Variants in TP53BP1 observed in about 807,000 individuals in gnomAD.
The protein encoded by TP53BP1 is tumor protein p53 binding protein 1.
A neutral mutation model predicts 200.8 loss-of-function variants in TP53BP1; 61 were observed. The ratio of observed to expected loss-of-function variants is 0.30; its 90% confidence interval spans 0.25 to 0.38. TP53BP1 has a LOEUF of 0.38. Among genes scored for constraint, TP53BP1 ranks in the 10% least tolerant of loss-of-function variants. TP53BP1 has a pLI of 1.00. For synonymous variants in TP53BP1, 822 were observed against 844.3 expected (o/e 0.97, Z 0.46); for missense variants, 2,144 against 2,371.9 (o/e 0.90, Z 2.00).
At position 43,493,150 on chromosome 15, in the gene TP53BP1, C is replaced by G; in HGVS notation, c.-107G>C. 1 of 1,565,482 alleles carries G rather than the reference C, an allele frequency of 6.4e-7. No individual in the cohort carries two copies. On this transcript the variant is annotated 5_prime_UTR_variant, in exon 1 of 28. Transcript: ENST00000382044. ...CTGTCGCCACCGCCGCCACCGGCCG[C>G]GAACTCCCCCTTTCCCGTCACGTCA...
intron 15 of TP53BP1, among the ~76,000 whole-genome samples, chr15:43,440,510 G>A (rs544351894): frequency 2.9e-5 from 4 of 139,606 alleles, no homozygotes; most frequent in East Asian, 4.2e-4. Context: ...GTGAGACTCC[G>A]TCTCAAAAAA....
At position 43,420,616 on chromosome 15, in the gene TP53BP1, A is replaced by G. The variant is rs2045372161; in HGVS notation, c.4370T>C (p.Val1457Ala). ...RVPDSTRRTD[V>A]GAGALRRSDS... ...ACTACGACGCAAAGCACCAGCACCCACATCTGTTCGTCTGGTGGAGTCTGG... is the reference window on the plus strand; with the variant it reads ...ACTACGACGCAAAGCACCAGCACCCGCATCTGTTCGTCTGGTGGAGTCTGG... The change falls in exon 21 of 28, where the codon GTG (valine) becomes GCG (alanine). Residue 1457 changes from valine (V) to alanine (A), a missense_variant. Val to Ala is a moderately conservative substitution (Grantham distance 64). This residue lies in a region of TP53BP1 where 49 missense variants were observed against 60.7 expected (regional missense o/e 0.81). Coordinates refer to ENST00000382044, the MANE Select transcript of TP53BP1 (RefSeq NM_001141980.3). 2 of 1,614,014 alleles carry G rather than the reference A, an allele frequency of 1.2e-6. No homozygotes were observed. Among genetic ancestry groups the G allele is most frequent in the Non-Finnish European group, 1.7e-6 (2 of 1,180,042 alleles).
At chr15:43,505,752 T>C (rs2079232567) in intron 1 of TP53BP1, among the ~76,000 whole-genome samples, 2 of 152,216 alleles carry the variant, frequency 1.3e-5, no homozygotes, top group African/African-American at 4.8e-5. Flanking sequence ...TTTTACTCAG[T>C]GCCTTTTTAA....
chr15:43,454,220 G>C (rs899444235), intron 12 of TP53BP1, among the ~76,000 whole-genome samples: 2 of 151,972 alleles, frequency 1.3e-5, no homozygotes, highest in African/African-American at 4.8e-5. Context: ...AAAAGGGACT[G>C]TTCTACGCAA....
At chr15:43,479,600 T>C in intron 6 of TP53BP1, 74 bp from the exon 7 acceptor site, 1 of 1,485,680 alleles carries the variant, frequency 6.7e-7, no homozygotes, top group Non-Finnish European at 9.1e-7. Context: ...CAGATGTTTT[T>C]TAAAAAGCAA....
At chr15:43,409,923 C>G (rs1489315160) in intron 24 of TP53BP1, among the ~76,000 whole-genome samples, 182 bp from the exon 25 acceptor site, 2 of 152,048 alleles carry the variant, frequency 1.3e-5, no homozygotes, top group Non-Finnish European at 2.9e-5. Context: ...AAAATGCTGC[C>G]AAAAGAAGGG....
At chr15:43,444,203 T>C (rs896132322) in intron 14 of TP53BP1, among the ~76,000 whole-genome samples, 6 of 152,244 alleles carry the variant, frequency 3.9e-5, no homozygotes, top group Non-Finnish European at 7.3e-5. Flanking sequence ...ACTTCGCTAG[T>C]TGTAATTTCA....
intron 21 of TP53BP1, chr15:43,417,311 C>G (rs550598241): frequency 6.6e-6 from 1 of 152,268 alleles, no homozygotes; most frequent in South Asian, 2.1e-4. Flanking sequence ...GAATGAAGAG[C>G]TAAAAGAAAC....
At chr15:43,409,279 TTC>T (rs1013372064) in intron 25 of TP53BP1, 183 bp from the exon 26 acceptor site, 3 of 619,050 alleles carry the variant, frequency 4.8e-6, no homozygotes, top group Admixed American at 5.6e-5. Context: ...TCCATAGATG[TTC>T]TCTCTGCCTC....
At chr15:43,465,897 C>T (rs1464459341) in intron 11 of TP53BP1, among the ~76,000 whole-genome samples, 1 of 152,126 alleles carries the variant, frequency 6.6e-6, no homozygotes, top group African/African-American at 2.4e-5. Context: ...TCAAGTGATC[C>T]TCCCACCTTA....
intron 10 of TP53BP1, among the ~76,000 whole-genome samples, chr15:43,471,075 A>G (rs1046267387): frequency 2.0e-5 from 3 of 152,256 alleles, no homozygotes; most frequent in African/African-American, 7.2e-5. Flanking sequence ...TGTTATAGGC[A>G]CTACATACAA....
At chr15:43,504,223 AACCTCAAGTGAT>A (rs1335694158) in intron 1 of TP53BP1, among the ~76,000 whole-genome samples, 1 of 152,220 alleles carries the variant, frequency 6.6e-6, no homozygotes, top group African/African-American at 2.4e-5. Context: ...AGCTCACTGC[AACCTCAAGTGAT>A]ACTTTTGCCT....
At chr15:43,488,483 A>C (rs150399911) in intron 4 of TP53BP1, among the ~76,000 whole-genome samples, 4 of 152,358 alleles carry the variant, frequency 2.6e-5, no homozygotes, top group African/African-American at 4.8e-5. Context: ...TTAGAACTGT[A>C]TCTTGACTGT....
chr15:43,505,233 A>G (rs1029178238), intron 1 of TP53BP1, among the ~76,000 whole-genome samples: 3 of 152,166 alleles, frequency 2.0e-5, no homozygotes, highest in Non-Finnish European at 4.4e-5. Flanking sequence ...CCATTCTATG[A>G]ATACTTTGGG....
At chr15:43,472,212 G>C (rs1036318620) in intron 10 of TP53BP1, among the ~76,000 whole-genome samples, 1 of 152,124 alleles carries the variant, frequency 6.6e-6, no homozygotes, top group Non-Finnish European at 1.5e-5. Context: ...GTAAAATGGG[G>C]ATAAAAATAA....
rs777625361 is a variant in TP53BP1, at chr15:43,441,512, C to T, written c.3098+14G>A. The T allele has an allele frequency of 3.1e-6, 5 of 1,594,154 alleles. No individual in the cohort carries two copies. The African/African-American group carries it at 6.7e-5, about 21-fold the overall frequency. ...CTGTGTATTAAACTCTAAATAGCAT[C>T]CAGCTTTGGTTACCTGGCAACAGAC... On this transcript the variant is annotated intron_variant, in intron 15 of 27. Coordinates refer to ENST00000382044, the MANE Select transcript of TP53BP1 (RefSeq NM_001141980.3).
In TP53BP1 at chr15:43,479,478, T is replaced by C; in HGVS notation, c.707A>G (p.Gln236Arg). Reference protein sequence around the residue: ...QSNEDIPIAEQSSKDIPVTAQ... With the variant: ...QSNEDIPIAERSSKDIPVTAQ... ...TGTCACAGGGATGTCCTTGCTGGAC[T>C]GTTCTGCTATGGGGATATCTTCGTT... is the stretch of plus-strand genomic sequence containing the variant. Residue 236 changes from glutamine to arginine, a missense_variant, in exon 7 of 28, where the codon CAG becomes CGG. Physicochemically the swap from Gln to Arg is conservative, Grantham distance 43 (BLOSUM62 1). Transcript: ENST00000382044. 6.2e-7 allele frequency: 1 copy of C among 1,613,908 alleles called. No homozygotes were observed. Among genetic ancestry groups the C allele is most frequent in the Non-Finnish European group, 8.5e-7 (1 of 1,179,912 alleles).
At chr15:43,463,931 G>A (rs1048576325) in intron 11 of TP53BP1, among the ~76,000 whole-genome samples, 3 of 152,172 alleles carry the variant, frequency 2.0e-5, no homozygotes, top group South Asian at 4.2e-4. Flanking sequence ...CCCAAAGCCC[G>A]CTTCCATTAA....
At chr15:43,447,123 G>T (rs2046060549) in intron 13 of TP53BP1, 3 of 492,746 alleles carry the variant, frequency 6.1e-6, no homozygotes, top group African/African-American at 4.0e-5. Flanking sequence ...CAAGTAATAA[G>T]ATAAAATTCT....
Sources: gnomAD v4.1 joint callset for allele counts (sites outside exome capture counted in the v4.1 genomes callset) on GRCh38, gnomAD v4.1.1 for gene constraint, gnomAD v4.1.1 regional missense constraint, MANE v1.5 for transcripts, NCBI Gene and HGNC (gene_info 2026-07-23, HGNC 2026-07-21) for gene names.